SCN7A: variants seen among roughly 807,000 people sequenced by gnomAD.
The protein encoded by SCN7A is sodium voltage-gated channel alpha subunit 7.
In SCN7A, 138 loss-of-function variants were observed where a neutral mutation model predicts 155.2. The observed-to-expected ratio is 0.89, with a 90% CI of 0.77 to 1.02. The LOEUF (loss-of-function observed/expected upper bound fraction) is 1.02, where lower values mean the gene tolerates loss of function less well. Ranked by LOEUF, SCN7A falls within the 50% of genes least tolerant of loss-of-function variation. The pLI is 0.00. For synonymous variants in SCN7A, 693 were observed against 649.0 expected (o/e 1.07, Z -1.03); for missense variants, 2,058 against 1,986.6 (o/e 1.04, Z -0.68).
intron 21 of SCN7A, among the ~76,000 whole-genome samples, chr2:166,413,942 A>G (rs771156304): frequency 1.8e-5 from 2 of 112,388 alleles, no homozygotes; most frequent in Non-Finnish European, 3.6e-5. Flanking sequence ...ATGTAAGTTA[A>G]TACTTAATAA....
chr2:166,453,412 A>G (rs1029833038), intron 11 of SCN7A, among the ~76,000 whole-genome samples: 1 of 152,200 alleles, frequency 6.6e-6, no homozygotes, highest in Non-Finnish European at 1.5e-5. Flanking sequence ...TGACCGCAAT[A>G]GTTTGTATAA....
chr2:166,487,818 T>G (rs1423725954), intron 1 of SCN7A, among the ~76,000 whole-genome samples: 2 of 152,162 alleles, frequency 1.3e-5, no homozygotes, highest in Non-Finnish European at 2.9e-5. Flanking sequence ...AGTGGATCAA[T>G]AGACTGAGGA....
intron 10 of SCN7A, among the ~76,000 whole-genome samples, chr2:166,460,693 C>A (rs529092939): frequency 1.3e-5 from 2 of 151,932 alleles, no homozygotes; most frequent in African/African-American, 4.8e-5. Flanking sequence ...GGAGAGGGTA[C>A]AACATACATG....
chr2:166,477,635 A>G lies in SCN7A; in HGVS notation c.62T>C (p.Ile21Thr), dbSNP rs1702829896. ...VPFTKESFEL[I>T]KQHIAKTHNE... ...ATGTGTTTTAGCAATATGCTGTTTT[A>G]TAAGTTCAAAAGACTCTTTAGTGAA... The change falls in exon 3 of 26, where the codon ATA (isoleucine) becomes ACA (threonine). Residue 21 changes from isoleucine to threonine, a missense_variant. Coordinates refer to ENST00000643258, the MANE Select transcript of SCN7A (RefSeq NM_002976.4). 6.2e-7 allele frequency: 1 copy of G among 1,606,770 alleles called. No homozygotes were observed. Among genetic ancestry groups the G allele is most frequent in the Non-Finnish European group, 8.5e-7 (1 of 1,176,004 alleles).
In SCN7A at chr2:166,409,802, G is replaced by A. The variant is rs147910038; in HGVS notation, c.3845C>T (p.Ala1282Val). 2,097 of 1,573,456 alleles carry A rather than the reference G, an allele frequency of 1.3e-3. 30 individuals are homozygous for A. In the East Asian group the frequency reaches 0.032, roughly 24 times the overall value. ...TDVQSLQMSI[A>V]LYWINSIFVM... ...AAAAATTGAGTTAATCCAGTAGAGAGCAATGGACATTTGTAGACTCTGAAC... is the reference window on the plus strand; with the variant it reads ...AAAAATTGAGTTAATCCAGTAGAGAACAATGGACATTTGTAGACTCTGAAC... Residue 1282 changes from alanine to valine, a missense_variant, in exon 25 of 26, where the codon GCT (alanine) becomes GTT (valine). Ala to Val is a moderately conservative substitution (Grantham distance 64). Coordinates refer to ENST00000643258, the MANE Select transcript of SCN7A (RefSeq NM_002976.4).
chr2:166,487,556 T>A (rs1280770656), intron 1 of SCN7A, among the ~76,000 whole-genome samples: 4 of 152,178 alleles, frequency 2.6e-5, no homozygotes, highest in African/African-American at 4.8e-5. Flanking sequence ...TTCCATTTAT[T>A]CCCATCTTAG....
At chr2:166,407,997 T>G (rs34977626) in intron 25 of SCN7A, among the ~76,000 whole-genome samples, 16,246 of 151,984 alleles carry the variant, frequency 0.11, 993 homozygotes, top group African/African-American at 0.15. Context: ...CTGTTTCAGT[T>G]TTCAGAGGAT....
At position 166,474,874 on chromosome 2, in the gene SCN7A, C is replaced by A. The variant is rs1239359393; in HGVS notation, c.235-530G>T. On this transcript the variant is annotated intron_variant, in intron 3 of 25. Transcript: ENST00000643258. The stretch of plus-strand genomic sequence containing the variant: ...TATCATTAACATACATATATCTAAA[C>A]CAGAAATTTATATCATGTAAACCTA... Among the ~76,000 whole-genome samples, 5 of 150,860 alleles carry A rather than the reference C, an allele frequency of 3.3e-5. No individual in the cohort carries two copies. The Admixed American group carries it at 3.3e-4, about 10-fold the overall frequency.
intron 21 of SCN7A, among the ~76,000 whole-genome samples, chr2:166,414,263 T>TGTA (rs1701298476): frequency 2.8e-4 from 21 of 75,034 alleles, no homozygotes; most frequent in Non-Finnish European, 5.0e-4. Flanking sequence ...TAGATATATA[T>TGTA]ACACACACAT....
intron 7 of SCN7A, among the ~76,000 whole-genome samples, chr2:166,467,144 T>A (rs1702552406): frequency 6.6e-6 from 1 of 151,750 alleles, no homozygotes; most frequent in Admixed American, 6.6e-5. Context: ...ACTACAGTGG[T>A]TTACCATTGA....
rs1257664421 is a variant in SCN7A, at chr2:166,410,263, T to G, written c.3668A>C (p.Lys1223Thr). The G allele has an allele frequency of 1.3e-6, 2 of 1,556,886 alleles. No individual in the cohort carries two copies. Among genetic ancestry groups the G allele is most frequent in the East Asian group, 4.8e-5 (2 of 41,924 alleles). ...KQRKQYRRLK[K>T]LMYEDSQRPV... Reference sequence around the variant, plus strand: ...TCTTTGAGAATCCTCATACATTAGCTTCTTCAGCCTGCGGTACTGTTTTCT... The same window carrying G: ...TCTTTGAGAATCCTCATACATTAGCGTCTTCAGCCTGCGGTACTGTTTTCT... Residue 1223 changes from lysine to threonine, a missense_variant, in exon 24 of 26, where the codon AAG (lysine) becomes ACG (threonine). Transcript: ENST00000643258.
chr2:166,406,657 G>T lies in SCN7A; in HGVS notation c.3983-11C>A. ...TAGGCAGACATAGTCCTGGGGGTGG[G>T]AAAGATAAAGCAGGCTATACATTAT... is the stretch of plus-strand genomic sequence containing the variant. On this transcript the variant is annotated splice_polypyrimidine_tract_variant and intron_variant, in intron 25 of 25. Transcript: ENST00000643258. 1 of 1,542,332 alleles carries T rather than the reference G, an allele frequency of 6.5e-7. No individual in the cohort carries two copies. Among genetic ancestry groups the T allele is most frequent in the South Asian group, 1.2e-5 (1 of 83,738 alleles).
rs80209987 is a variant in SCN7A at position 166,460,394 on chromosome 2, G to A, written c.1083+1995C>T. On this transcript the variant is annotated intron_variant, in intron 10 of 25. Transcript: ENST00000643258. ...ATTAAGAATTCTATGTGTAGATGCTGAGAAATCAAAAAAATTAAAATAAGA... is the reference window on the plus strand; with the variant it reads ...ATTAAGAATTCTATGTGTAGATGCTAAGAAATCAAAAAAATTAAAATAAGA... Among the ~76,000 whole-genome samples, 42 of 152,124 alleles carry A rather than the reference G, an allele frequency of 2.8e-4. No individual in the cohort carries two copies. In the East Asian group the frequency reaches 7.5e-3, roughly 27 times the overall value.
chr2:166,432,457 G>T lies in SCN7A; in HGVS notation c.2453C>A (p.Ala818Asp). The T allele has an allele frequency of 1.2e-6, 2 of 1,613,592 alleles. No individual in the cohort carries two copies. The highest frequency in any genetic ancestry group is 1.7e-6 in the Non-Finnish European group (2 of 1,179,664). Residue 818 changes from alanine to aspartate, a missense_variant, in exon 16 of 26, where the codon GCT becomes GAT. Coordinates refer to ENST00000643258, the MANE Select transcript of SCN7A (RefSeq NM_002976.4). ...KEKSSGTEKN[A>D]TENESQSLIP... Reference sequence around the variant, plus strand: ...AAGTGATTGGCTCTCATTTTCAGTAGCGTTTTTCTCTGTGCCACTGCTTTT... The same window carrying T: ...AAGTGATTGGCTCTCATTTTCAGTATCGTTTTTCTCTGTGCCACTGCTTTT...
At chr2:166,474,489 G>A in intron 3 of SCN7A, 145 bp from the exon 4 acceptor site, 1 of 364,398 alleles carries the variant, frequency 2.7e-6, no homozygotes, top group Non-Finnish European at 4.9e-6. Flanking sequence ...TATAGACTAA[G>A]TCAAATGGAA....
intron 18 of SCN7A, among the ~76,000 whole-genome samples, chr2:166,424,348 A>T (rs1463105536): frequency 6.6e-6 from 1 of 152,110 alleles, no homozygotes; most frequent in Non-Finnish European, 1.5e-5. Context: ...GGTAGAGTAG[A>T]TTTTACCAGA....
intron 1 of SCN7A, among the ~76,000 whole-genome samples, chr2:166,490,421 C>A (rs933315577): frequency 2.6e-5 from 4 of 152,162 alleles, no homozygotes; most frequent in African/African-American, 9.7e-5. Flanking sequence ...CATGTTGTCA[C>A]AAATGATGTC....
chr2:166,419,688 A>G (rs1318617482), intron 20 of SCN7A, among the ~76,000 whole-genome samples: 1 of 151,936 alleles, frequency 6.6e-6, no homozygotes, highest in African/African-American at 2.4e-5. Context: ...TTTAACTTCA[A>G]TCTTATCAAA....
At chr2:166,465,589 G>T in intron 8 of SCN7A, 58 bp from the exon 9 acceptor site, 1 of 1,359,104 alleles carries the variant, frequency 7.4e-7, no homozygotes, top group Non-Finnish European at 1.0e-6. Context: ...CACCACAGTA[G>T]AAGTCCATTT....
Sources: gnomAD v4.1 joint callset for allele counts (sites outside exome capture counted in the v4.1 genomes callset) on GRCh38, gnomAD v4.1.1 for gene constraint, MANE v1.5 for transcripts, NCBI Gene and HGNC (gene_info 2026-07-23, HGNC 2026-07-21) for gene names.